Variants in KAZN observed in about 807,000 individuals in gnomAD.
KAZN encodes the protein kazrin.
A neutral mutation model predicts 87.4 loss-of-function variants in KAZN; 40 were observed. The ratio of observed to expected loss-of-function variants is 0.46; its 90% CI spans 0.36 to 0.60. The LOEUF (loss-of-function observed/expected upper bound fraction) is 0.60, where lower values mean the gene tolerates loss of function less well. Ranked by LOEUF, KAZN falls within the 20% of genes least tolerant of loss-of-function variation. The pLI is 0.00. For synonymous variants in KAZN, 466 were observed against 458.3 expected (o/e 1.02, Z -0.22); for missense variants, 898 against 1,073.9 (o/e 0.84, Z 2.29).
intron 8 of KAZN, among the ~76,000 whole-genome samples, chr1:15,072,518 G>A (rs1433004181): frequency 1.3e-5 from 2 of 152,178 alleles, no homozygotes; most frequent in South Asian, 2.1e-4. Context: ...ACACTTAGAC[G>A]CTGCTCTCAG....
intron 1 of KAZN, among the ~76,000 whole-genome samples, chr1:14,919,577 G>A (rs1476157020): frequency 6.6e-6 from 1 of 152,192 alleles, no homozygotes; most frequent in Non-Finnish European, 1.5e-5. Context: ...CAAAACTATG[G>A]GGTGTTACAA....
intron 1 of KAZN, among the ~76,000 whole-genome samples, chr1:14,819,014 C>T (rs1646657915): frequency 6.6e-6 from 1 of 152,194 alleles, no homozygotes; most frequent in Admixed American, 6.5e-5. Context: ...GAGATCGTGC[C>T]ATTGCACTCC....
chr1:14,822,885 G>A (rs1207870356), intron 1 of KAZN, among the ~76,000 whole-genome samples: 1 of 152,158 alleles, frequency 6.6e-6, no homozygotes, highest in African/African-American at 2.4e-5. Flanking sequence ...TTTCTTAGGA[G>A]CCCTCCAGAA....
chr1:14,307,794 G>C (rs1164470120), intron 2 of KAZN, among the ~76,000 whole-genome samples: 4 of 152,180 alleles, frequency 2.6e-5, no homozygotes, highest in African/African-American at 9.7e-5. Flanking sequence ...ATGAGAAATA[G>C]AGTGGATACA....
intron 1 of KAZN, among the ~76,000 whole-genome samples, chr1:14,780,041 C>G (rs965327777): frequency 6.6e-6 from 1 of 152,202 alleles, no homozygotes; most frequent in Non-Finnish European, 1.5e-5. Flanking sequence ...TCCCAACAAA[C>G]GCATGAGGTA....
At chr1:14,828,897 A>G (rs901518808) in intron 1 of KAZN, among the ~76,000 whole-genome samples, 2 of 152,198 alleles carry the variant, frequency 1.3e-5, no homozygotes, top group Non-Finnish European at 2.9e-5. Context: ...AAGGCAGAAG[A>G]GATAGCGAGA....
intron 1 of KAZN, among the ~76,000 whole-genome samples, chr1:14,788,860 C>T (rs750088549): frequency 1.3e-5 from 2 of 152,132 alleles, no homozygotes; most frequent in Non-Finnish European, 2.9e-5. Context: ...ATGTGGACAG[C>T]CACCTCTGAT....
rs1640716922 is a variant in KAZN at position 15,094,578 on chromosome 1, C to T, written c.1428+193C>T. Among the ~76,000 whole-genome samples, 1 of 152,206 alleles carries T rather than the reference C, an allele frequency of 6.6e-6. No homozygotes were observed. Among genetic ancestry groups the T allele is most frequent in the South Asian group, 2.1e-4 (1 of 4,834 alleles). On this transcript the variant is annotated intron_variant, in intron 9 of 14. Coordinates refer to ENST00000376030, the MANE Select transcript of KAZN (RefSeq NM_201628.3). The surrounding 1 kb of genome is among the most constrained non-coding windows in gnomAD (Gnocchi z 4.5). ...GGCAAGGCAGAGAGCCCTCAGCTGCCTCATCCTGACAATGGACCCAGGTTT... is the reference window on the plus strand; with the variant it reads ...GGCAAGGCAGAGAGCCCTCAGCTGCTTCATCCTGACAATGGACCCAGGTTT...
At chr1:14,040,174 A>C (rs147833180) in intron 1 of KAZN, among the ~76,000 whole-genome samples, 20 of 152,184 alleles carry the variant, frequency 1.3e-4, no homozygotes, top group African/African-American at 3.6e-4. Context: ...TACCTGGCTC[A>C]GGCAATAAAC....
In KAZN at chr1:15,060,107, G is replaced by A. The variant is rs186488897; in HGVS notation, c.917-65G>A. 9.9e-5 allele frequency: 158 copies of A among 1,594,998 alleles called. No homozygotes were observed. The African/African-American group carries it at 1.1e-3, about 11-fold the overall frequency. The stretch of plus-strand genomic sequence containing the variant: ...AACGGGGGTGTTGGGTGGAATAACC[G>A]CCAAGGCAGCACAGGCGAGGACGTT... On this transcript the variant is annotated intron_variant, in intron 5 of 14. Coordinates refer to ENST00000376030, the MANE Select transcript of KAZN (RefSeq NM_201628.3).
chr1:14,667,489 C>T (rs1157379756), intron 1 of KAZN, among the ~76,000 whole-genome samples: 4 of 152,168 alleles, frequency 2.6e-5, no homozygotes, highest in South Asian at 2.1e-4. Flanking sequence ...CTCTGAACCA[C>T]GTTCATCTGA....
intron 2 of KAZN, among the ~76,000 whole-genome samples, chr1:15,005,629 T>C (rs948535170): frequency 1.3e-5 from 2 of 152,038 alleles, no homozygotes; most frequent in African/African-American, 4.8e-5. Context: ...CTACTAAAAA[T>C]ATTTTAAAAA....
upstream of KAZN, among the ~76,000 whole-genome samples, chr1:14,595,281 A>T (rs191636713): frequency 6.6e-6 from 1 of 152,208 alleles, no homozygotes; most frequent in Non-Finnish European, 1.5e-5. Flanking sequence ...TGGTGCAGCC[A>T]TTGTGGAAAA....
At chr1:14,292,162 T>A (rs745316906) in intron 2 of KAZN, among the ~76,000 whole-genome samples, 1 of 152,220 alleles carries the variant, frequency 6.6e-6, no homozygotes, top group Non-Finnish European at 1.5e-5. Context: ...GTATGTCATA[T>A]GTGCGTATAG....
At position 15,104,181 on chromosome 1, in the gene KAZN, C is replaced by G. The variant is rs1284643201; in HGVS notation, c.2040C>G (p.His680Gln). 4 of 1,581,726 alleles carry G rather than the reference C, an allele frequency of 2.5e-6. No individual in the cohort carries two copies. The highest frequency in any genetic ancestry group is 3.4e-6 in the Non-Finnish European group (4 of 1,164,462). ...HLAEEMSAVF[H>Q]PANSTGIREA... The stretch of plus-strand genomic sequence containing the variant: ...CAGAGGAGATGAGCGCCGTCTTCCA[C>G]CCAGCCAAGTGAGCACGGGCTGGGA... Residue 680 changes from histidine to glutamine, a missense_variant, in exon 13 of 15, where the codon CAC becomes CAG. His to Gln is a conservative substitution (Grantham distance 24). This residue lies in a region of KAZN where 521 missense variants were observed against 689.4 expected (regional missense o/e 0.76). Coordinates refer to ENST00000376030, the MANE Select transcript of KAZN (RefSeq NM_201628.3).
chr1:14,726,616 T>C (rs768539423), intron 1 of KAZN, among the ~76,000 whole-genome samples: 1 of 152,206 alleles, frequency 6.6e-6, no homozygotes, highest in Non-Finnish European at 1.5e-5. Context: ...GTCCCCTACA[T>C]AGAACAACAA....
Position 14,599,303 on chromosome 1 carries a change from C to T in KAZN, c.226+80C>T, listed in dbSNP as rs1676759036. The T allele has an allele frequency of 8.0e-7, 1 of 1,254,926 alleles. No homozygotes were observed. The highest frequency in any genetic ancestry group is 1.0e-6 in the Non-Finnish European group (1 of 997,686). The allele number at this position is 1,254,926 out of a possible 1,614,324, so 77.7% of individuals were successfully genotyped here. On this transcript the variant is annotated intron_variant, in intron 1 of 14. Transcript: ENST00000376030. This position sits in a 1 kb window ranked among gnomAD's most constrained non-coding sequence, Gnocchi z 4.4. ...TCGGAGGTGGCCGGGGACCCGGGGT[C>T]CCCCACACCCGGGGCGAAATCGCTT... is the stretch of plus-strand genomic sequence containing the variant.
chr1:14,636,318 C>A (rs371657083), intron 1 of KAZN, among the ~76,000 whole-genome samples: 2 of 152,104 alleles, frequency 1.3e-5, no homozygotes, highest in Non-Finnish European at 2.9e-5. Flanking sequence ...CTCAGTGGTC[C>A]CCCTCTCTAG....
chr1:14,512,177 CG>C (rs1557768101), intron 2 of KAZN, among the ~76,000 whole-genome samples: 2 of 152,062 alleles, frequency 1.3e-5, no homozygotes, highest in Non-Finnish European at 2.9e-5. Context: ...TGTGTGTTCG[CG>C]GGTCAGGAGA....
Sources: gnomAD v4.1 joint callset for allele counts (sites outside exome capture counted in the v4.1 genomes callset) on GRCh38, gnomAD v4.1.1 for gene constraint, gnomAD v4.1.1 regional missense constraint, Gnocchi (gnomAD v3.1) non-coding constraint, MANE v1.5 for transcripts, NCBI Gene and HGNC (gene_info 2026-07-23, HGNC 2026-07-21) for gene names.